EVI5: variants seen among roughly 807,000 people sequenced by gnomAD.
EVI5 encodes the protein ecotropic viral integration site 5 protein homolog.
EVI5 carries 73 observed loss-of-function variants against 112.0 expected under a neutral mutation model. The observed-to-expected ratio is 0.65, with a 90% CI of 0.54 to 0.79. EVI5 has a LOEUF of 0.79. Ranked by LOEUF, EVI5 falls within the 30% of genes least tolerant of loss-of-function variation. The pLI is 0.00. For missense variants in EVI5, 900 were observed against 968.8 expected (o/e 0.93, Z 0.94); for synonymous variants, 305 against 319.9 (o/e 0.95, Z 0.50).
chr1:92,584,786 A>C (rs773534848), intron 18 of EVI5, among the ~76,000 whole-genome samples: 1 of 152,248 alleles, frequency 6.6e-6, no homozygotes, highest in Non-Finnish European at 1.5e-5. Flanking sequence ...TCTTTTAAAA[A>C]CCAATAATGA....
At chr1:92,651,647 C>G (rs1450008920) in intron 13 of EVI5, among the ~76,000 whole-genome samples, 1 of 148,368 alleles carries the variant, frequency 6.7e-6, no homozygotes, top group African/African-American at 2.5e-5. Context: ...GTCAGGAGAT[C>G]GAGACCATCC....
intron 9 of EVI5, among the ~76,000 whole-genome samples, chr1:92,685,497 A>C (rs1668361589): frequency 6.6e-6 from 1 of 152,236 alleles, no homozygotes; most frequent in East Asian, 1.9e-4. Flanking sequence ...AAAGAACTAG[A>C]GAAGCAAGAG....
At chr1:92,777,567 G>A (rs1442277424) in intron 1 of EVI5, among the ~76,000 whole-genome samples, 2 of 152,048 alleles carry the variant, frequency 1.3e-5, no homozygotes, top group Non-Finnish European at 2.9e-5. Context: ...CAATATTTAG[G>A]TCCTCTACCT....
chr1:92,611,644 A>C (rs1651829593), intron 16 of EVI5, among the ~76,000 whole-genome samples: 1 of 145,054 alleles, frequency 6.9e-6, no homozygotes, highest in African/African-American at 2.6e-5. Context: ...ACTTGCAGTG[A>C]GCCAAGATTG....
At chr1:92,636,003 G>A (rs995817754) in intron 14 of EVI5, among the ~76,000 whole-genome samples, 199 bp downstream of exon 14, 2 of 151,984 alleles carry the variant, frequency 1.3e-5, no homozygotes, top group African/African-American at 2.4e-5. Flanking sequence ...CCTTAAATAC[G>A]GGGCTGTGAT....
intron 2 of EVI5, among the ~76,000 whole-genome samples, chr1:92,717,156 A>G (rs1385766220): frequency 6.6e-6 from 1 of 152,186 alleles, no homozygotes. Flanking sequence ...TCAATAGCTG[A>G]TTTGATCAAG....
At chr1:92,586,972 TAAGA>T (rs1672906450) in intron 18 of EVI5, among the ~76,000 whole-genome samples, 1 of 152,184 alleles carries the variant, frequency 6.6e-6, no homozygotes, top group Non-Finnish European at 1.5e-5. Context: ...TTATGGTACT[TAAGA>T]GTCCAAACTC....
chr1:92,778,421 C>T (rs917507435), intron 1 of EVI5, among the ~76,000 whole-genome samples: 1 of 152,106 alleles, frequency 6.6e-6, no homozygotes, highest in Non-Finnish European at 1.5e-5. Context: ...GATTTCTCTT[C>T]TCAAGAGGGT....
upstream of EVI5, among the ~76,000 whole-genome samples, chr1:92,786,410 A>C (rs1685644698): frequency 6.6e-6 from 1 of 152,204 alleles, no homozygotes; most frequent in Non-Finnish European, 1.5e-5. Context: ...AATTTCAATT[A>C]ACAATTTTAT....
chr1:92,687,218 GCCTCAGAAATAACA>G (rs891024000), intron 9 of EVI5, among the ~76,000 whole-genome samples: 5 of 151,910 alleles, frequency 3.3e-5, no homozygotes, highest in Admixed American at 6.6e-5. Context: ...CAGAACAGAG[GCCTCAGAAATAACA>G]CCACACATCT....
chr1:92,667,940 A>G (rs1665213610), intron 10 of EVI5, among the ~76,000 whole-genome samples: 1 of 152,052 alleles, frequency 6.6e-6, no homozygotes, highest in Non-Finnish European at 1.5e-5. Flanking sequence ...ACTTTTTTGT[A>G]CCAATTTGTT....
At chr1:92,537,215 T>G (rs982685194) in intron 19 of EVI5, among the ~76,000 whole-genome samples, 1 of 152,184 alleles carries the variant, frequency 6.6e-6, no homozygotes. Flanking sequence ...AAGTGAATCA[T>G]GTGACACCAA....
chr1:92,567,549 G>A (rs1319991486), intron 18 of EVI5, among the ~76,000 whole-genome samples: 1 of 151,984 alleles, frequency 6.6e-6, no homozygotes, highest in East Asian at 1.9e-4. Flanking sequence ...TGTTACAACC[G>A]CCTACAGTAT....
rs561490202 is a variant in EVI5, at chr1:92,518,783, G to A, written c.2167-4813C>T. On this transcript the variant is annotated intron_variant, in intron 19 of 19. Coordinates refer to ENST00000684568, the MANE Select transcript of EVI5 (RefSeq NM_001350197.2). ...TGGACCTATACCATGATACATCTCA[G>A]TGAAGTTTCAGGACACTTGAAAGAA... Among the ~76,000 whole-genome samples, 5 of 152,270 alleles carry A rather than the reference G, an allele frequency of 3.3e-5. No individual in the cohort carries two copies. In the South Asian group the frequency reaches 1.0e-3, roughly 32 times the overall value.
chr1:92,723,254 A>G, intron 2 of EVI5, among the ~76,000 whole-genome samples: 1 of 152,356 alleles, frequency 6.6e-6, no homozygotes, highest in South Asian at 2.1e-4. Flanking sequence ...ATATATTTAT[A>G]CATGATATTA....
chr1:92,565,969 G>C (rs115562636), intron 18 of EVI5, among the ~76,000 whole-genome samples: 1 of 54,872 alleles, frequency 1.8e-5, no homozygotes, highest in Admixed American at 2.2e-4. Context: ...AAAAAAAAAA[G>C]AAATGTTCTA....
intron 19 of EVI5, among the ~76,000 whole-genome samples, chr1:92,559,735 G>C (rs10874714): frequency 0.85 from 121,819 of 143,080 alleles, 52,137 homozygotes; most frequent in East Asian, 0.97. Flanking sequence ...GATCGCGCCA[G>C]TGCACTCCAG....
At chr1:92,641,442 T>C (rs1031768668) in intron 13 of EVI5, among the ~76,000 whole-genome samples, 79 of 152,146 alleles carry the variant, frequency 5.2e-4, no homozygotes, top group African/African-American at 1.8e-3. Context: ...AAGTGGAAGT[T>C]GAATGCTGCA....
chr1:92,644,528 T>C (rs1042833446), intron 13 of EVI5, among the ~76,000 whole-genome samples: 1 of 152,194 alleles, frequency 6.6e-6, no homozygotes, highest in Non-Finnish European at 1.5e-5. Flanking sequence ...TTATTATTTG[T>C]CCATTCTGCT....
Sources: allele counts gnomAD v4.1 joint callset (sites outside exome capture counted in the v4.1 genomes callset), GRCh38; gene constraint gnomAD v4.1.1; transcripts MANE v1.5; gene names NCBI Gene and HGNC (gene_info 2026-07-23, HGNC 2026-07-21).